Variants in EYS observed in about 807,000 individuals in gnomAD.
EYS encodes the protein EGF-like photoreceptor maintenance factor.
In EYS, 250 loss-of-function variants were observed where a neutral mutation model predicts 282.1. That is an observed-to-expected ratio of 0.89 (90% confidence interval 0.80 to 0.98). The LOEUF is 0.98. Ranked by LOEUF, EYS falls within the 50% of genes least tolerant of loss-of-function variation. The pLI, the probability that EYS is intolerant of heterozygous loss-of-function variation, is 0.00. For missense variants in EYS, 4,016 were observed against 3,709.0 expected (o/e 1.08, Z -2.15); for synonymous variants, 1,355 against 1,282.9 (o/e 1.06, Z -1.20).
chr6:64,507,156 A>T (rs1370936994), intron 26 of EYS, among the ~76,000 whole-genome samples: 1 of 151,890 alleles, frequency 6.6e-6, no homozygotes, highest in Non-Finnish European at 1.5e-5. Context: ...ATCAACCTCT[A>T]AAGGATTTTT....
At chr6:63,992,747 C>T (rs982430177) in intron 34 of EYS, among the ~76,000 whole-genome samples, 22 of 151,692 alleles carry the variant, frequency 1.5e-4, no homozygotes, top group Non-Finnish European at 3.0e-4. Flanking sequence ...ACAAGAGATT[C>T]ACTTTAGATT....
At chr6:65,049,563 T>A (rs1484402694) in intron 13 of EYS, among the ~76,000 whole-genome samples, 10 of 151,706 alleles carry the variant, frequency 6.6e-5, no homozygotes, top group Non-Finnish European at 1.5e-5. Flanking sequence ...TGCTGAATAA[T>A]ATCACAGTTT....
intron 31 of EYS, among the ~76,000 whole-genome samples, chr6:64,209,949 G>GAGTAGA (rs1258260353): frequency 2.0e-5 from 3 of 151,808 alleles, no homozygotes; most frequent in Admixed American, 6.6e-5. Flanking sequence ...CTTCCTTTAT[G>GAGTAGA]GTATTTCTAC....
At chr6:65,474,339 G>A (rs1367783411) in intron 5 of EYS, among the ~76,000 whole-genome samples, 1 of 152,078 alleles carries the variant, frequency 6.6e-6, no homozygotes, top group Non-Finnish European at 1.5e-5. Flanking sequence ...AACGTGTGGT[G>A]TGGTAGACTA....
chr6:64,838,551 G>C (rs1369179785), intron 19 of EYS, among the ~76,000 whole-genome samples: 1 of 151,286 alleles, frequency 6.6e-6, no homozygotes, highest in Non-Finnish European at 1.5e-5. Context: ...TTAATGTTTT[G>C]TTAGACTAAA....
At chr6:65,648,592 C>T (rs936381082) in intron 1 of EYS, among the ~76,000 whole-genome samples, 13 of 151,954 alleles carry the variant, frequency 8.6e-5, no homozygotes, top group African/African-American at 3.1e-4. Flanking sequence ...AAAGAGTACA[C>T]ATTGGGTACA....
At chr6:64,196,879 A>G (rs546802204) in intron 31 of EYS, among the ~76,000 whole-genome samples, 1 of 152,154 alleles carries the variant, frequency 6.6e-6, no homozygotes, top group South Asian at 2.1e-4. Context: ...ATGTACCCTA[A>G]AACTTAAAGT....
chr6:64,302,563 T>C (rs574746586), intron 30 of EYS, among the ~76,000 whole-genome samples: 1 of 152,174 alleles, frequency 6.6e-6, no homozygotes, highest in Non-Finnish European at 1.5e-5. Context: ...GTCCAGCTTA[T>C]GCCAGCTCAC....
At chr6:64,411,442 A>T (rs1042111837) in intron 28 of EYS, among the ~76,000 whole-genome samples, 7 of 152,180 alleles carry the variant, frequency 4.6e-5, no homozygotes, top group Admixed American at 2.0e-4. Flanking sequence ...ATACAAATGG[A>T]ATCCAAAAAA....
At chr6:64,319,700 TGGATGGATGGAC>T (rs1328545849) in intron 29 of EYS, among the ~76,000 whole-genome samples, 6 of 100,300 alleles carry the variant, frequency 6.0e-5, no homozygotes, top group Admixed American at 2.1e-4. Context: ...GATGGATGGA[TGGATGGATGGAC>T]GGATGGATGG....
At chr6:64,016,832 A>T (rs1768916665) in intron 33 of EYS, among the ~76,000 whole-genome samples, 1 of 152,096 alleles carries the variant, frequency 6.6e-6, no homozygotes, top group Non-Finnish European at 1.5e-5. Flanking sequence ...TTGTTAGCTA[A>T]TCTATCTCTG....
chr6:65,357,987 G>A (rs1764559228), intron 8 of EYS, among the ~76,000 whole-genome samples: 1 of 151,848 alleles, frequency 6.6e-6, no homozygotes, highest in African/African-American at 2.4e-5. Flanking sequence ...TTAAAATGAA[G>A]TTAACTTTCA....
intron 19 of EYS, among the ~76,000 whole-genome samples, chr6:64,829,087 G>A (rs1043755034): frequency 1.1e-4 from 17 of 151,942 alleles, no homozygotes; most frequent in African/African-American, 4.1e-4. Context: ...TGGCTGGACT[G>A]GAAGGCAAAA....
At chr6:64,540,706 A>T (rs1340463788) in intron 26 of EYS, among the ~76,000 whole-genome samples, 1 of 151,718 alleles carries the variant, frequency 6.6e-6, no homozygotes, top group East Asian at 1.9e-4. Flanking sequence ...CTGGTCTCGA[A>T]CTCCTTACCT....
intron 40 of EYS, among the ~76,000 whole-genome samples, chr6:63,776,773 C>T (rs1363639910): frequency 6.6e-6 from 1 of 151,990 alleles, no homozygotes; most frequent in Non-Finnish European, 1.5e-5. Context: ...GGGATGGATT[C>T]CCCACCTTCA....
intron 33 of EYS, among the ~76,000 whole-genome samples, chr6:64,023,045 A>G (rs1238490279): frequency 2.0e-5 from 3 of 152,164 alleles, no homozygotes; most frequent in Non-Finnish European, 4.4e-5. Flanking sequence ...CCTTTGATTA[A>G]TTTCTGTCTC....
At chr6:63,833,790 C>T (rs536088487) in intron 36 of EYS, among the ~76,000 whole-genome samples, 10 of 152,250 alleles carry the variant, frequency 6.6e-5, no homozygotes, top group East Asian at 1.9e-4. Context: ...GGAAGCATCA[C>T]GCTACAGGAC....
At chr6:65,424,256 T>C (rs1767580975) in intron 5 of EYS, among the ~76,000 whole-genome samples, 1 of 151,980 alleles carries the variant, frequency 6.6e-6, no homozygotes, top group Non-Finnish European at 1.5e-5. Context: ...TCCCTAGCAA[T>C]TTTATTTCTA....
intron 33 of EYS, among the ~76,000 whole-genome samples, chr6:64,065,278 C>T (rs1316376658): frequency 6.6e-6 from 1 of 152,108 alleles, no homozygotes; most frequent in Non-Finnish European, 1.5e-5. Context: ...AGCCAAGATT[C>T]CTGCTGATCA....
Sources: allele counts gnomAD v4.1 joint callset (sites outside exome capture counted in the v4.1 genomes callset), GRCh38; gene constraint gnomAD v4.1.1; transcripts MANE v1.5; gene names NCBI Gene and HGNC (gene_info 2026-07-23, HGNC 2026-07-21).